Variants in ATXN1 observed in about 807,000 individuals in gnomAD.
The protein encoded by ATXN1 is ataxin-1.
A neutral mutation model predicts 56.4 loss-of-function variants in ATXN1; 8 were observed. The ratio of observed to expected loss-of-function variants is 0.14; its 90% CI spans 0.08 to 0.26. ATXN1 has a LOEUF of 0.26. Among genes scored for constraint, ATXN1 ranks in the 10% least tolerant of loss-of-function variants. ATXN1 has a pLI of 1.00. For synonymous variants in ATXN1, 514 were observed against 494.6 expected (o/e 1.04, Z -0.52); for missense variants, 987 against 1,106.5 (o/e 0.89, Z 1.53).
At chr6:16,316,785 A>T (rs1760519459) in intron 7 of ATXN1, among the ~76,000 whole-genome samples, 1 of 151,486 alleles carries the variant, frequency 6.6e-6, no homozygotes, top group South Asian at 2.1e-4. Flanking sequence ...AACTGAAAGA[A>T]TAGTTCTGTT....
At chr6:16,715,171 T>A (rs1180336461) in intron 2 of ATXN1, among the ~76,000 whole-genome samples, 1 of 152,128 alleles carries the variant, frequency 6.6e-6, no homozygotes, top group African/African-American at 2.4e-5. Flanking sequence ...ATATGCCACA[T>A]CCGCTAAAAA....
chr6:16,389,294 GCCA>G (rs1166449000), intron 6 of ATXN1, among the ~76,000 whole-genome samples: 1 of 136,632 alleles, frequency 7.3e-6, no homozygotes, highest in Non-Finnish European at 1.6e-5. Context: ...TGGAGATGGC[GCCA>G]CTGCACTCCA....
intron 2 of ATXN1, among the ~76,000 whole-genome samples, chr6:16,749,332 T>C (rs186985588): frequency 3.0e-4 from 46 of 152,332 alleles, no homozygotes; most frequent in Non-Finnish European, 5.3e-4. Context: ...GGAATTGTTG[T>C]TAAAACGTAC....
At chr6:16,350,126 A>G (rs1453461395) in intron 6 of ATXN1, among the ~76,000 whole-genome samples, 4 of 152,216 alleles carry the variant, frequency 2.6e-5, no homozygotes, top group Non-Finnish European at 4.4e-5. Flanking sequence ...GCAATAAAAT[A>G]TTTAATGGAC....
chr6:16,443,605 T>G (rs1759568018), intron 6 of ATXN1, among the ~76,000 whole-genome samples: 2 of 152,162 alleles, frequency 1.3e-5, no homozygotes, highest in Non-Finnish European at 2.9e-5. Context: ...ACCTTAAACA[T>G]TTTCAGTAAG....
intron 7 of ATXN1, among the ~76,000 whole-genome samples, chr6:16,319,695 CCT>C (rs1246332357): frequency 6.6e-6 from 1 of 152,160 alleles, no homozygotes; most frequent in African/African-American, 2.4e-5. Context: ...GTGTGTGAGA[CCT>C]CTCTCTACTT....
chr6:16,628,147 A>G (rs567551084), intron 3 of ATXN1, among the ~76,000 whole-genome samples: 1 of 152,374 alleles, frequency 6.6e-6, no homozygotes, highest in South Asian at 2.1e-4. Context: ...CTGTTCATTC[A>G]GCACCCAGTA....
At chr6:16,594,206 G>C (rs1194798564) in intron 3 of ATXN1, among the ~76,000 whole-genome samples, 1 of 145,648 alleles carries the variant, frequency 6.9e-6, no homozygotes, top group South Asian at 2.2e-4. Context: ...TTTCAGCTTC[G>C]TTTTTTTTTC....
intron 2 of ATXN1, among the ~76,000 whole-genome samples, chr6:16,672,818 G>C (rs1465119075): frequency 6.6e-6 from 1 of 152,062 alleles, no homozygotes; most frequent in Non-Finnish European, 1.5e-5. Flanking sequence ...TCGAGAGTTC[G>C]AGACCAGCCT....
intron 6 of ATXN1, among the ~76,000 whole-genome samples, chr6:16,421,883 A>G (rs1221880580): frequency 6.6e-6 from 1 of 152,222 alleles, no homozygotes; most frequent in Non-Finnish European, 1.5e-5. Flanking sequence ...TATGGAAAAA[A>G]ACATGGAATA....
intron 3 of ATXN1, among the ~76,000 whole-genome samples, chr6:16,601,646 C>G (rs1054501332): frequency 3.3e-5 from 5 of 152,074 alleles, no homozygotes; most frequent in African/African-American, 1.2e-4. Context: ...GTCAGGAGAT[C>G]GAGACCATCC....
chr6:16,627,766 G>C (rs1763433023), intron 3 of ATXN1, among the ~76,000 whole-genome samples: 1 of 152,044 alleles, frequency 6.6e-6, no homozygotes, highest in African/African-American at 2.4e-5. Flanking sequence ...TCCTCTCTCA[G>C]CAAGTCTCCT....
At chr6:16,489,325 A>AT (rs1760611948) in intron 5 of ATXN1, among the ~76,000 whole-genome samples, 1 of 152,078 alleles carries the variant, frequency 6.6e-6, no homozygotes, top group Admixed American at 6.5e-5. Context: ...CTTTAAGCCC[A>AT]TTTCACCTTT....
Position 16,314,238 on chromosome 6 carries a change from G to A in ATXN1, c.1918-7379C>T, listed in dbSNP as rs1049709520. On this transcript the variant is annotated intron_variant, in intron 7 of 7. Transcript: ENST00000436367. Reference sequence around the variant, plus strand: ...CTTTGGTGAAAGTTAAAATCTTGTTGCACACATCTCAAATAGGTACACTCA... The same window carrying A: ...CTTTGGTGAAAGTTAAAATCTTGTTACACACATCTCAAATAGGTACACTCA... 1.7e-4 allele frequency among the ~76,000 whole-genome samples: 26 copies of A among 152,106 alleles called. 1 individual carries two copies. Among genetic ancestry groups the A allele is most frequent in the African/African-American group, 6.0e-4 (25 of 41,400 alleles).
Position 16,433,719 on chromosome 6 carries a change from G to A in ATXN1, c.-161+52253C>T, listed in dbSNP as rs146823984. ...GCATGATGAAACAGGTGCATTAAGT[G>A]CATGAAACAGAACAAAAGTAAGAAA... On this transcript the variant is annotated intron_variant, in intron 6 of 7. Coordinates refer to ENST00000436367, the MANE Select transcript of ATXN1 (RefSeq NM_001128164.2). Among the ~76,000 whole-genome samples the A allele has an allele frequency of 4.7e-3, 721 of 152,316 alleles. 2 individuals are homozygous for A. The highest frequency in any genetic ancestry group is 9.1e-3 in the Admixed American group (140 of 15,304).
intron 3 of ATXN1, among the ~76,000 whole-genome samples, chr6:16,612,022 G>A (rs1027145862): frequency 3.2e-4 from 48 of 151,724 alleles, no homozygotes; most frequent in African/African-American, 1.0e-3. Flanking sequence ...ACCACACCCG[G>A]CTAATTTTTT....
At chr6:16,526,064 T>TATATATATATATATATATACAC (rs370698828) in intron 4 of ATXN1, among the ~76,000 whole-genome samples, 1,641 of 132,730 alleles carry the variant, frequency 0.012, 25 homozygotes, top group African/African-American at 0.018. Context: ...TATATATATA[T>TATATATATATATATATATACAC]ACATACATAC....
intron 6 of ATXN1, among the ~76,000 whole-genome samples, chr6:16,429,452 GTC>G (rs1321304116): frequency 2.4e-5 from 3 of 125,490 alleles, no homozygotes; most frequent in Non-Finnish European, 3.2e-5. Context: ...TTGAGAAAGA[GTC>G]TCCTCCAGGC....
intron 3 of ATXN1, among the ~76,000 whole-genome samples, chr6:16,600,914 AG>A (rs1243913082): frequency 6.6e-6 from 1 of 152,230 alleles, no homozygotes; most frequent in Non-Finnish European, 1.5e-5. Flanking sequence ...TTTGATTCTT[AG>A]AAAATGACGC....
Sources: allele counts gnomAD v4.1 joint callset (sites outside exome capture counted in the v4.1 genomes callset), GRCh38; gene constraint gnomAD v4.1.1; transcripts MANE v1.5; gene names NCBI Gene and HGNC (gene_info 2026-07-23, HGNC 2026-07-21).